The following IGLL5 variants were observed in gnomAD, a reference collection of about 807,000 sequenced individuals.
IGLL5 encodes immunoglobulin lambda-like polypeptide 5.
IGLL5 carries 30 observed loss-of-function variants against 20.9 expected under a neutral mutation model. The ratio of observed to expected loss-of-function variants is 1.44; its 90% confidence interval spans 1.07 to 1.95. The LOEUF is 1.95. Ranked by LOEUF, IGLL5 falls within the 30% of genes most tolerant of loss-of-function variation. The pLI, the probability that IGLL5 is intolerant of heterozygous loss-of-function variation, is 0.00. For missense variants in IGLL5, 475 were observed against 270.7 expected (o/e 1.75, Z -5.30); for synonymous variants, 203 against 117.3 (o/e 1.73, Z -4.72).
At position 22,887,944 on chromosome 22, in the gene IGLL5, T is replaced by C. The variant is rs1200101016; in HGVS notation, c.-110T>C. 7 of 864,328 alleles carry C rather than the reference T, an allele frequency of 8.1e-6. No homozygotes were observed. Among genetic ancestry groups the C allele is most frequent in the South Asian group, 1.4e-5 (1 of 69,658 alleles). The allele number at this position is 864,328 out of a possible 1,614,324, so 53.5% of individuals were successfully genotyped here. A position where few individuals can be genotyped will look rare whatever the true frequency, so the allele number is the denominator to read the frequency against. On this transcript the variant is annotated 5_prime_UTR_variant, in exon 1 of 3. An upstream start codon of the reference 5' UTR is lost. Coordinates refer to ENST00000526893, the MANE Select transcript of IGLL5 (RefSeq NM_001178126.2). ...CAGTCCAGGGAGAGGACAGAGCCAATGGACTGGGGTGTACTGTAACAGCCC... is the reference window on the plus strand; with the variant it reads ...CAGTCCAGGGAGAGGACAGAGCCAACGGACTGGGGTGTACTGTAACAGCCC...
intron 2 of IGLL5, among the ~76,000 whole-genome samples, chr22:22,894,453 A>G (rs555247588): frequency 1.3e-5 from 2 of 151,514 alleles, no homozygotes; most frequent in Admixed American, 6.6e-5. Flanking sequence ...CAACCCTCCC[A>G]GGACAGTCAC....
Position 22,888,557 on chromosome 22 carries a change from G to C in IGLL5, c.206+298G>C, listed in dbSNP as rs60549812. On this transcript the variant is annotated intron_variant, in intron 1 of 2. Coordinates refer to ENST00000526893, the MANE Select transcript of IGLL5 (RefSeq NM_001178126.2). ...AGTCCTAGTCCTCTGGGTAGGGAAG[G>C]AACAGAGGCAGGGACAGGACATCCA... Among the ~76,000 whole-genome samples, 26 of 151,210 alleles carry C rather than the reference G, an allele frequency of 1.7e-4. 1 individual carries two copies. Among genetic ancestry groups the C allele is most frequent in the East Asian group, 1.0e-3 (5 of 4,910 alleles).
intron 2 of IGLL5, 146 bp downstream of exon 2, chr22:22,893,964 C>T (rs762216744): frequency 2.2e-5 from 15 of 689,830 alleles, no homozygotes; most frequent in Admixed American, 6.5e-5. Flanking sequence ...GGAGGAGGTG[C>T]ATTAGTCTCC....
intron 2 of IGLL5, 146 bp downstream of exon 2, chr22:22,893,964 C>G (rs762216744): frequency 1.0e-5 from 7 of 689,884 alleles, no homozygotes; most frequent in East Asian, 2.7e-5. Flanking sequence ...GGAGGAGGTG[C>G]ATTAGTCTCC....
intron 1 of IGLL5, 40 bp downstream of exon 1, chr22:22,888,299 A>T (rs775733805): frequency 2.0e-6 from 3 of 1,535,152 alleles, no homozygotes; most frequent in Admixed American, 2.0e-5. Context: ...GGGGTCCTGC[A>T]GCAGAGCTGG....
intron 2 of IGLL5, among the ~76,000 whole-genome samples, chr22:22,894,869 T>C (rs2066703904): frequency 6.6e-6 from 1 of 151,266 alleles, no homozygotes; most frequent in East Asian, 2.0e-4. Flanking sequence ...GCCCGGTGCC[T>C]GTGAGGGATA....
chr22:22,889,478 A>G (rs184689653), intron 1 of IGLL5, among the ~76,000 whole-genome samples: 4 of 151,348 alleles, frequency 2.6e-5, no homozygotes, highest in South Asian at 2.1e-4. Flanking sequence ...CTGTAACCAA[A>G]TCTTTATAAC....
chr22:22,895,574 G>A lies in IGLL5; in HGVS notation c.525G>A (p.Ala175=), dbSNP rs746993194. The change falls in exon 3 of 3, where the codon GCG becomes GCA. Residue 175 remains alanine (A), a synonymous_variant. Transcript: ENST00000526893. ...KPSKQSNNKY[A]ASSYLSLTPE... ...CCAAACAGAGCAACAACAAGTACGCGGCCAGCAGCTACCTGAGCCTGACGC... is the reference window on the plus strand; with the variant it reads ...CCAAACAGAGCAACAACAAGTACGCAGCCAGCAGCTACCTGAGCCTGACGC... 2.1e-5 allele frequency: 34 copies of A among 1,613,066 alleles called. No homozygotes were observed. The highest frequency in any genetic ancestry group is 1.7e-4 in the Middle Eastern group (1 of 5,950).
intron 1 of IGLL5, among the ~76,000 whole-genome samples, chr22:22,888,687 T>A (rs527453098): frequency 6.6e-6 from 1 of 151,210 alleles, no homozygotes; most frequent in African/African-American, 2.4e-5. Context: ...GGCCACTCCC[T>A]GGAGAAGGCA....
At chr22:22,889,107 T>A (rs181799446) in intron 1 of IGLL5, among the ~76,000 whole-genome samples, 3 of 151,098 alleles carry the variant, frequency 2.0e-5, no homozygotes, top group Middle Eastern at 3.7e-3. Context: ...ATTTGTGTTT[T>A]TGGAAAAATC....
Position 22,888,272 on chromosome 22 carries a change from AGATTCCAGGGGAT to A in IGLL5, c.206+15_206+27del. ...GCCTGTGGGGCAGGTAAGGGGCAAG[AGATTCCAGGGGAT>A]GTGGGGGTCCTGCAGCAGAGCTGGG... On this transcript the variant is annotated intron_variant, in intron 1 of 2. Coordinates refer to ENST00000526893, the MANE Select transcript of IGLL5 (RefSeq NM_001178126.2). 6.5e-7 allele frequency: 1 copy of A among 1,546,158 alleles called. No individual in the cohort carries two copies. The highest frequency in any genetic ancestry group is 1.4e-5 in the African/African-American group (1 of 72,734).
At position 22,888,846 on chromosome 22, in the gene IGLL5, G is replaced by A. The variant is rs1601604464; in HGVS notation, c.206+587G>A. Among the ~76,000 whole-genome samples, 2 of 151,458 alleles carry A rather than the reference G, an allele frequency of 1.3e-5. 1 individual carries two copies. Among genetic ancestry groups the A allele is most frequent in the African/African-American group, 4.8e-5 (2 of 41,346 alleles). ...TGGAACAGGCCCACGGCCCATGTTTGGAGCAATAAAGGGAGAGGGGATCTC... is the reference window on the plus strand; with the variant it reads ...TGGAACAGGCCCACGGCCCATGTTTAGAGCAATAAAGGGAGAGGGGATCTC... On this transcript the variant is annotated intron_variant, in intron 1 of 2. Coordinates refer to ENST00000526893, the MANE Select transcript of IGLL5 (RefSeq NM_001178126.2).
chr22:22,895,814 A>C lies in IGLL5; in HGVS notation c.*120A>C, dbSNP rs2066755902. The C allele has an allele frequency of 1.1e-6, 1 of 900,286 alleles. No individual in the cohort carries two copies. Among genetic ancestry groups the C allele is most frequent in the Non-Finnish European group, 1.8e-6 (1 of 556,456 alleles). 55.8% of individuals were successfully genotyped at this position (900,286 alleles called of 1,614,324 possible). On this transcript the variant is annotated 3_prime_UTR_variant, in exon 3 of 3. Transcript: ENST00000526893. Reference sequence around the variant, plus strand: ...CTGCACTCATGAAACCCCAATAAATATCCTCATTGACAACCAGAAATCTTG... The same window carrying C: ...CTGCACTCATGAAACCCCAATAAATCTCCTCATTGACAACCAGAAATCTTG...
At chr22:22,891,990 C>T (rs566758718) in intron 1 of IGLL5, among the ~76,000 whole-genome samples, 77 of 151,158 alleles carry the variant, frequency 5.1e-4, no homozygotes, top group African/African-American at 1.8e-3. Flanking sequence ...AATATTTATA[C>T]CTCCTTCTCT....
rs750307397 is a variant in IGLL5, at chr22:22,893,839, C to T, written c.325+21C>T. 7.4e-6 allele frequency: 11 copies of T among 1,477,114 alleles called. 1 individual carries two copies. The highest frequency in any genetic ancestry group is 5.5e-5 in the African/African-American group (4 of 72,302). 91.5% of individuals were successfully genotyped at this position (1,477,114 alleles called of 1,614,324 possible). ...CCTAGGTAAGTGGCTCTCAACCTTT[C>T]CCAGCCTGTCTCACCCTCTGCTGTC... On this transcript the variant is annotated intron_variant, in intron 2 of 2. Coordinates refer to ENST00000526893, the MANE Select transcript of IGLL5 (RefSeq NM_001178126.2).
intron 1 of IGLL5, 146 bp from the exon 2 acceptor site, chr22:22,893,554 A>C (rs1250790909): frequency 1.7e-6 from 1 of 604,238 alleles, no homozygotes; most frequent in Non-Finnish European, 3.0e-6. Flanking sequence ...AAAGACACAC[A>C]CTGGGGTAAC....
intron 2 of IGLL5, among the ~76,000 whole-genome samples, chr22:22,894,087 G>A (rs1569087166): frequency 2.6e-5 from 4 of 151,482 alleles, no homozygotes; most frequent in African/African-American, 7.3e-5. Flanking sequence ...CAGGGCAGAT[G>A]TCTGAGTGAG....
intron 2 of IGLL5, among the ~76,000 whole-genome samples, chr22:22,894,759 G>A (rs537306985): frequency 6.6e-6 from 1 of 151,394 alleles, no homozygotes; most frequent in East Asian, 2.0e-4. Flanking sequence ...TCGGGCTTGT[G>A]GAGACAGGAA....
rs56174841 is a variant in IGLL5 at position 22,895,948 on chromosome 22, C to T, written c.*254C>T. On this transcript the variant is annotated 3_prime_UTR_variant, in exon 3 of 3. Transcript: ENST00000526893. ...TGAAAATCACCCAAGGGAGGAGGCT[C>T]ACAGCCTCCCTGAGTCATCTCCCCA... 0.013 allele frequency: 7,377 copies of T among 586,172 alleles called. 70 individuals are homozygous for T. Among genetic ancestry groups the T allele is most frequent in the South Asian group, 0.015 (728 of 49,444 alleles). 36.3% of individuals were successfully genotyped at this position (586,172 alleles called of 1,614,324 possible).
Sources: allele counts gnomAD v4.1 joint callset (sites outside exome capture counted in the v4.1 genomes callset), GRCh38; gene constraint gnomAD v4.1.1; transcripts MANE v1.5; gene names NCBI Gene and HGNC (gene_info 2026-07-23, HGNC 2026-07-21).